The following VRK2 variants were observed in gnomAD, a reference collection of about 807,000 sequenced individuals.
VRK2 encodes the protein VRK serine/threonine kinase 2.
In VRK2, 60 loss-of-function variants were observed where a neutral mutation model predicts 57.6. That is an observed-to-expected ratio of 1.04 (90% CI 0.85 to 1.29). The LOEUF (loss-of-function observed/expected upper bound fraction) is 1.29. VRK2 is among the 50% of genes most tolerant of loss of function. VRK2 has a pLI of 0.00. For missense variants in VRK2, 705 were observed against 588.1 expected (o/e 1.20, Z -2.06); for synonymous variants, 231 against 199.2 (o/e 1.16, Z -1.35).
chr2:58,024,481 G>C (rs1044483587), intron 1 of VRK2, among the ~76,000 whole-genome samples: 1 of 152,132 alleles, frequency 6.6e-6, no homozygotes, highest in Admixed American at 6.5e-5. Context: ...TCTAAATTCA[G>C]TTAATTTGTA....
intron 1 of VRK2, among the ~76,000 whole-genome samples, chr2:57,936,396 C>T (rs898678910): frequency 6.6e-6 from 1 of 152,148 alleles, no homozygotes; most frequent in African/African-American, 2.4e-5. Flanking sequence ...ATTCACGTTT[C>T]ATTTGCCTTA....
chr2:57,926,371 T>A (rs1391949565), intron 1 of VRK2, among the ~76,000 whole-genome samples: 2 of 151,596 alleles, frequency 1.3e-5, no homozygotes, highest in Admixed American at 1.3e-4. Context: ...TTAGCCTTAA[T>A]AATATTTGCT....
chr2:58,004,655 TA>T lies in VRK2; in HGVS notation c.-438-21008del, dbSNP rs533679243. Among the ~76,000 whole-genome samples, 7 of 152,312 alleles carry T rather than the reference TA, an allele frequency of 4.6e-5. No homozygotes were observed. The East Asian group carries it at 1.3e-3, about 29-fold the overall frequency. ...TCCTTTAATATTCCTCAATAATGGT[TA>T]ACTTTTTAAATTATGTCCTCTGCCA... On this transcript the variant is annotated intron_variant, in intron 1 of 15. Coordinates refer to the VRK2 transcript ENST00000417641.
intron 1 of VRK2, among the ~76,000 whole-genome samples, chr2:57,963,010 T>C (rs1671807496): frequency 6.6e-6 from 1 of 152,176 alleles, no homozygotes; most frequent in South Asian, 2.1e-4. Context: ...CCAAGGGATT[T>C]GAACAAGTCA....
At chr2:58,058,446 CAT>C (rs947313433) in intron 2 of VRK2, 24 of 469,996 alleles carry the variant, frequency 5.1e-5, no homozygotes, top group African/African-American at 1.4e-4. Context: ...GAAGCTTCGA[CAT>C]GTGTGAAAGA....
intron 1 of VRK2, among the ~76,000 whole-genome samples, chr2:57,942,717 G>A (rs1671138674): frequency 6.6e-6 from 1 of 152,140 alleles, no homozygotes; most frequent in African/African-American, 2.4e-5. Context: ...TGACACAAAT[G>A]TCTAAATGTC....
chr2:57,981,550 T>C (rs1672423713), intron 1 of VRK2, among the ~76,000 whole-genome samples: 1 of 152,126 alleles, frequency 6.6e-6, no homozygotes, highest in African/African-American at 2.4e-5. Context: ...CTGGCAGGGG[T>C]TCCCTGAATT....
At chr2:58,052,611 A>C (rs947568371) in intron 2 of VRK2, among the ~76,000 whole-genome samples, 73 of 152,178 alleles carry the variant, frequency 4.8e-4, no homozygotes, top group Non-Finnish European at 9.1e-4. Context: ...AAAAAAAAAA[A>C]AAAAAAAATG....
chr2:57,926,758 G>T (rs1670552656), intron 1 of VRK2, among the ~76,000 whole-genome samples: 1 of 149,174 alleles, frequency 6.7e-6, no homozygotes, highest in African/African-American at 2.5e-5. Flanking sequence ...CTTTATAGAT[G>T]AAGTGTATTT....
rs1037867019 is a variant in VRK2 at position 58,130,267 on chromosome 2, T to C, written c.677-1541T>C. 2.0e-5 allele frequency among the ~76,000 whole-genome samples: 3 copies of C among 152,212 alleles called. No individual in the cohort carries two copies. In the East Asian group the frequency reaches 5.8e-4, roughly 29 times the overall value. ...AGAGGATATGAGATTTTTTAAGTGA[T>C]GGTAATCAGGAATTGCCATAATAGA... is the stretch of plus-strand genomic sequence containing the variant. On this transcript the variant is annotated intron_variant, in intron 8 of 12. Coordinates refer to ENST00000340157, the MANE Select transcript of VRK2 (RefSeq NM_006296.7).
At chr2:58,060,564 A>C (rs1677174731) in intron 2 of VRK2, among the ~76,000 whole-genome samples, 2 of 151,820 alleles carry the variant, frequency 1.3e-5, no homozygotes, top group Admixed American at 6.6e-5. Context: ...TCAAGAAGAA[A>C]AAATAATGGT....
chr2:58,129,340 T>C (rs1413847594), intron 8 of VRK2, among the ~76,000 whole-genome samples: 1 of 152,134 alleles, frequency 6.6e-6, no homozygotes, highest in East Asian at 1.9e-4. Flanking sequence ...AATGAAAATA[T>C]ATTAAAAAGA....
intron 5 of VRK2, among the ~76,000 whole-genome samples, chr2:58,087,100 T>C (rs1671742363): frequency 6.6e-6 from 1 of 152,038 alleles, no homozygotes; most frequent in Non-Finnish European, 1.5e-5. Context: ...TAATAGTGTT[T>C]GAAAAAAGAA....
intron 1 of VRK2, among the ~76,000 whole-genome samples, chr2:57,983,676 C>T (rs1672503203): frequency 6.6e-6 from 1 of 152,160 alleles, no homozygotes; most frequent in Non-Finnish European, 1.5e-5. Context: ...GAATTAGAGC[C>T]TGCAAGGGAG....
chr2:58,147,029 C>G (rs142343767), intron 12 of VRK2: 44 of 361,984 alleles, frequency 1.2e-4, no homozygotes, highest in African/African-American at 9.2e-4. Context: ...TTAATTTTGT[C>G]AAAATGACCA....
intron 2 of VRK2, among the ~76,000 whole-genome samples, chr2:58,068,824 A>AAAC (rs1668988253): frequency 6.6e-6 from 1 of 150,712 alleles, no homozygotes; most frequent in African/African-American, 2.4e-5. Flanking sequence ...AAAAAAAAAA[A>AAAC]AAAAACAAAA....
At chr2:57,912,521 A>G (rs1670019091) in intron 1 of VRK2, among the ~76,000 whole-genome samples, 1 of 152,156 alleles carries the variant, frequency 6.6e-6, no homozygotes, top group South Asian at 2.1e-4. Context: ...AGAGCAGCTC[A>G]TAAGCTCAGA....
intron 7 of VRK2, among the ~76,000 whole-genome samples, chr2:58,100,284 T>C (rs1336111516): frequency 6.6e-6 from 1 of 151,996 alleles, no homozygotes; most frequent in East Asian, 1.9e-4. Flanking sequence ...TATTTAGAAG[T>C]AGTGTTTCTT....
intron 1 of VRK2, among the ~76,000 whole-genome samples, chr2:57,940,852 T>G (rs1237298482): frequency 1.3e-5 from 2 of 151,774 alleles, no homozygotes; most frequent in Non-Finnish European, 2.9e-5. Flanking sequence ...AGATATTAAA[T>G]GTATATACTA....
Sources: allele counts gnomAD v4.1 joint callset (sites outside exome capture counted in the v4.1 genomes callset), GRCh38; gene constraint gnomAD v4.1.1; transcripts MANE v1.5; gene names NCBI Gene and HGNC (gene_info 2026-07-23, HGNC 2026-07-21).